The following TTN variants were observed in gnomAD, a reference collection of about 807,000 sequenced individuals.
The protein encoded by TTN is titin, also known as connectin.
TTN carries 1,525 observed loss-of-function variants against 3,223.0 expected under a neutral mutation model. The observed-to-expected ratio is 0.47, with a 90% CI of 0.45 to 0.49. The LOEUF is 0.49. Ranked by LOEUF, TTN falls within the 20% of genes least tolerant of loss-of-function variation. The pLI is 0.00. For missense variants in TTN, 40,786 were observed against 43,424.0 expected (o/e 0.94, Z 5.40); for synonymous variants, 14,094 against 15,161.0 (o/e 0.93, Z 5.17).
rs754004380 is a variant in TTN, at chr2:178,632,397, G to T, written c.43497C>A (p.Phe14499Leu). Residue 14499 changes from phenylalanine to leucine, a missense_variant, in exon 236 of 363, where the codon TTC (phenylalanine) becomes TTA (leucine). Phe to Leu is a conservative substitution (Grantham distance 22). Coordinates refer to ENST00000589042, the MANE Select transcript of TTN (RefSeq NM_001267550.2). ...CAGTTACATCTTTGAGAGGGGTGAG[G>T]AATTTGAGCCGGATTCCTATCAAGA... ...KLIIEGIRLK[F>L]LTPLKDVTAK... 2 of 1,591,064 alleles carry T rather than the reference G, an allele frequency of 1.3e-6. No individual in the cohort carries two copies. The highest frequency in any genetic ancestry group is 1.7e-6 in the Non-Finnish European group (2 of 1,170,302).
In TTN at chr2:178,590,601, G is replaced by A; in HGVS notation, c.61124C>T (p.Pro20375Leu). The A allele has an allele frequency of 1.2e-6, 2 of 1,612,812 alleles. No individual in the cohort carries two copies. The highest frequency in any genetic ancestry group is 1.7e-6 in the Non-Finnish European group (2 of 1,179,312). The change falls in exon 304 of 363, where the codon CCT (proline) becomes CTT (leucine). Residue 20375 changes from proline to leucine, a missense_variant. Coordinates refer to ENST00000589042, the MANE Select transcript of TTN (RefSeq NM_001267550.2). ...ACRPIKPPGP[P>L]INPKLKDKSR... The stretch of plus-strand genomic sequence containing the variant: ...CTTGTCTTTCAGTTTAGGATTAATA[G>A]GTGGTCCAGGTGGTTTGATGGGCCG...
At chr2:178,653,168 C>A (rs751263623) in intron 198 of TTN, 44 bp from the exon 199 acceptor site, 1 of 1,609,278 alleles carries the variant, frequency 6.2e-7, no homozygotes, top group South Asian at 1.1e-5. Flanking sequence ...GTTATGAAGA[C>A]CACTGGAACA....
chr2:178,754,513 C>CA (rs2086418851), intron 46 of TTN, among the ~76,000 whole-genome samples: 1 of 152,126 alleles, frequency 6.6e-6, no homozygotes, highest in African/African-American at 2.4e-5. Context: ...ATATGACAGT[C>CA]AAACACCGCA....
rs766143106 is a variant in TTN, at chr2:178,595,657, G to A, written c.57697C>T (p.Pro19233Ser). 1 of 1,607,992 alleles carries A rather than the reference G, an allele frequency of 6.2e-7. No individual in the cohort carries two copies. The highest frequency in any genetic ancestry group is 8.5e-7 in the Non-Finnish European group (1 of 1,177,188). ...TGTCGGGTAACTGTATATGTCACTG[G>A]GGTCCATGCTCTGCGGTCAGATTCA... is the stretch of plus-strand genomic sequence containing the variant. ...KRESDRRAWT[P>S]VTYTVTRQNA... Residue 19233 changes from proline to serine, a missense_variant, in exon 295 of 363, where the codon CCA becomes TCA. By Grantham distance (74) the Pro-to-Ser change is moderately conservative. Transcript: ENST00000589042.
rs1393914410 is a variant in TTN at position 178,724,127 on chromosome 2, G to A, written c.21132C>T (p.Pro7044=). 5.0e-6 allele frequency: 8 copies of A among 1,611,476 alleles called. No individual in the cohort carries two copies. The highest frequency in any genetic ancestry group is 1.7e-5 in the Admixed American group (1 of 59,874). Residue 7044 remains proline (P), a synonymous_variant, in exon 73 of 363, where the codon CCC becomes CCT. Coordinates refer to ENST00000589042, the MANE Select transcript of TTN (RefSeq NM_001267550.2). ...TATTTTTCAGTCTTCGTGTGAAAGA[G>A]GGAGGAACTGCTCGGTCTGTGTGAG... ...VVDVSDRAVP[P]SFTRRLKNTG...
chr2:178,601,778 C>T lies in TTN; in HGVS notation c.55312G>A (p.Ala18438Thr), dbSNP rs1416049620. 6.2e-7 allele frequency: 1 copy of T among 1,601,250 alleles called. No homozygotes were observed. Among genetic ancestry groups the T allele is most frequent in the South Asian group, 1.1e-5 (1 of 87,828 alleles). ...ATAATAATTACTGAGGAGTTTTCAGCAGTCTCCAGCTGTACAAAGAAAATA... is the reference window on the plus strand; with the variant it reads ...ATAATAATTACTGAGGAGTTTTCAGTAGTCTCCAGCTGTACAAAGAAAATA... Reference protein sequence around the residue: ...DIPEDAQLETAENSSVIIIPE... With the variant: ...DIPEDAQLETTENSSVIIIPE... Residue 18438 changes from alanine (A) to threonine (T), a missense_variant, in exon 286 of 363, where the codon GCT becomes ACT. Physicochemically the swap from Ala to Thr is moderately conservative, Grantham distance 58 (BLOSUM62 0). Coordinates refer to ENST00000589042, the MANE Select transcript of TTN (RefSeq NM_001267550.2).
At chr2:178,736,212 A>T (rs554399050) in intron 49 of TTN, 138 bp from the exon 50 acceptor site, 87 of 760,024 alleles carry the variant, frequency 1.1e-4, no homozygotes, top group African/African-American at 1.1e-3. Flanking sequence ...GTAATGTGTT[A>T]ATAAGAACAA....
At position 178,575,728 on chromosome 2, in the gene TTN, T is replaced by A. The variant is rs756467437; in HGVS notation, c.70404A>T (p.Thr23468=). Residue 23468 remains threonine, a synonymous_variant, in exon 326 of 363, where the codon ACA becomes ACT. Coordinates refer to ENST00000589042, the MANE Select transcript of TTN (RefSeq NM_001267550.2). This position sits in a 1 kb window ranked among gnomAD's most constrained non-coding sequence, Gnocchi z 4.0. The part of the protein sequence containing the change: ...LPLIDGGSRI[T]NYIVEKREAT... ...CTTCACGTTTCTCTACAATGTAGTT[T>A]GTTATACGTGAGCCTCCATCTATCA... 5.6e-6 allele frequency: 9 copies of A among 1,613,446 alleles called. No homozygotes were observed. In the African/African-American group the frequency reaches 1.2e-4, roughly 22 times the overall value.
In TTN at chr2:178,620,667, A is replaced by G. The variant is rs576700674; in HGVS notation, c.45896-42T>C. On this transcript the variant is annotated intron_variant, in intron 247 of 362. Coordinates refer to ENST00000589042, the MANE Select transcript of TTN (RefSeq NM_001267550.2). The stretch of plus-strand genomic sequence containing the variant: ...AAATATGTTGATTTTAATTATTTTT[A>G]TAACAGAAACTGATGAAAAAATCTC... 24 of 1,601,984 alleles carry G rather than the reference A, an allele frequency of 1.5e-5. No homozygotes were observed. In the Middle Eastern group the frequency reaches 5.0e-4, roughly 33 times the overall value.
At chr2:178,554,373 A>G in intron 332 of TTN, 80 bp downstream of exon 332, 5 of 1,492,442 alleles carry the variant, frequency 3.4e-6, no homozygotes, top group Non-Finnish European at 3.6e-6. Context: ...TATAAAAGAA[A>G]ATTAAAGCAT....
chr2:178,770,152 T>C lies in TTN; in HGVS notation c.8549A>G (p.Lys2850Arg), dbSNP rs1396734796. 6.2e-7 allele frequency: 1 copy of C among 1,614,176 alleles called. No homozygotes were observed. Among genetic ancestry groups the C allele is most frequent in the South Asian group, 1.1e-5 (1 of 91,080 alleles). ...HRLVSERKVH[K>R]LMLQNISPSD... ...GGGGGAGATGTTCTGCAGCATCAGCTTGTGGACTTTCCTTTCTGAGACCAG... is the reference window on the plus strand; with the variant it reads ...GGGGGAGATGTTCTGCAGCATCAGCCTGTGGACTTTCCTTTCTGAGACCAG... Residue 2850 changes from lysine to arginine, a missense_variant, in exon 36 of 363, where the codon AAG becomes AGG. Coordinates refer to ENST00000589042, the MANE Select transcript of TTN (RefSeq NM_001267550.2).
chr2:178,607,701 A>T lies in TTN; in HGVS notation c.53003-16T>A, dbSNP rs768945124. Reference sequence around the variant, plus strand: ...GCTGGAGGCTCTGTTGAAAGAGAACAGTCATGCATTAGCCCATGAAAGATT... The same window carrying T: ...GCTGGAGGCTCTGTTGAAAGAGAACTGTCATGCATTAGCCCATGAAAGATT... On this transcript the variant is annotated splice_polypyrimidine_tract_variant and intron_variant, in intron 276 of 362. Transcript: ENST00000589042. The T allele has an allele frequency of 1.2e-6, 2 of 1,612,630 alleles. No homozygotes were observed. The highest frequency in any genetic ancestry group is 1.7e-6 in the Non-Finnish European group (2 of 1,179,274).
Position 178,730,019 on chromosome 2 carries a change from C to A in TTN, c.18307+74G>T, listed in dbSNP as rs542485268. Reference sequence around the variant, plus strand: ...CACTGGGCAAAACTGCTGTCTTAAGCGTCCCCCGCCCCGGCCCACCCCAGG... The same window carrying A: ...CACTGGGCAAAACTGCTGTCTTAAGAGTCCCCCGCCCCGGCCCACCCCAGG... On this transcript the variant is annotated intron_variant, in intron 62 of 362. Coordinates refer to ENST00000589042, the MANE Select transcript of TTN (RefSeq NM_001267550.2). 5.0e-5 allele frequency: 79 copies of A among 1,594,920 alleles called. No individual in the cohort carries two copies. The South Asian group carries it at 8.3e-4, about 17-fold the overall frequency.
At chr2:178,748,162 A>C (rs1384185175) in intron 47 of TTN, 1 of 1,613,162 alleles carries the variant, frequency 6.2e-7, no homozygotes, top group East Asian at 2.2e-5. Flanking sequence ...CAGAAAGATC[A>C]GTTTCTTCTA....
At chr2:178,550,432 T>G (rs1698922094) in intron 336 of TTN, 159 bp from the exon 337 acceptor site, 1 of 618,078 alleles carries the variant, frequency 1.6e-6, no homozygotes, top group Non-Finnish European at 2.7e-6. Flanking sequence ...AATTGAGAAT[T>G]TGGACTATGG....
intron 135 of TTN, among the ~76,000 whole-genome samples, chr2:178,681,985 G>C (rs1230508351): frequency 1.3e-5 from 2 of 151,732 alleles, no homozygotes; most frequent in Non-Finnish European, 2.9e-5. Context: ...ATAAATTCCT[G>C]GCTGAAACTC....
rs1051740243 is a variant in TTN at position 178,552,138 on chromosome 2, T to G, written c.90762A>C (p.Gly30254=). The G allele has an allele frequency of 1.2e-6, 2 of 1,613,778 alleles. No homozygotes were observed. Among genetic ancestry groups the G allele is most frequent in the Middle Eastern group, 1.7e-4 (1 of 6,054 alleles). ...LSWDVPEDNG[G]GEITCYSIEK... ...CGATGCTGTAACAAGTAATTTCTCC[T>G]CCTCCATTATCTTCAGGTACATCCC... Residue 30254 remains glycine, a synonymous_variant, in exon 335 of 363, where the codon GGA becomes GGC. Coordinates refer to ENST00000589042, the MANE Select transcript of TTN (RefSeq NM_001267550.2).
intron 47 of TTN, among the ~76,000 whole-genome samples, chr2:178,742,584 C>T (rs1255930869): frequency 1.3e-5 from 2 of 152,060 alleles, no homozygotes; most frequent in Admixed American, 6.6e-5. Flanking sequence ...GAGAAAACAA[C>T]TCCAATATTA....
chr2:178,672,174 A>G lies in TTN; in HGVS notation c.35024T>C (p.Val11675Ala), dbSNP rs776495748. 6 of 1,585,278 alleles carry G rather than the reference A, an allele frequency of 3.8e-6. No homozygotes were observed. In the South Asian group the frequency reaches 6.8e-5, roughly 18 times the overall value. Residue 11675 changes from valine (V) to alanine (A), a missense_variant, in exon 155 of 363, where the codon GTG (valine) becomes GCG (alanine). Val to Ala is a moderately conservative substitution (Grantham distance 64). Coordinates refer to ENST00000589042, the MANE Select transcript of TTN (RefSeq NM_001267550.2). ...RLELEVVEAE[V>A]EEIPEEEEFH... The stretch of plus-strand genomic sequence containing the variant: ...CTCTTCTTCTTCCGGAATTTCTTCC[A>G]CTTCTGCTTCTACTACTTCTAATTC...
Sources: allele counts gnomAD v4.1 joint callset (sites outside exome capture counted in the v4.1 genomes callset), GRCh38; gene constraint gnomAD v4.1.1; non-coding constraint Gnocchi (gnomAD v3.1); transcripts MANE v1.5; gene names NCBI Gene and HGNC (gene_info 2026-07-23, HGNC 2026-07-21).